NDUFB8: variants seen among roughly 807,000 people sequenced by gnomAD.
NDUFB8 encodes the protein NADH:ubiquinone oxidoreductase subunit B8.
NDUFB8 carries 17 observed loss-of-function variants against 26.0 expected under a neutral mutation model. That is an observed-to-expected ratio of 0.65 (90% confidence interval 0.45 to 0.98). The LOEUF is 0.98. NDUFB8 is among the 50% of genes least tolerant of loss of function. NDUFB8 has a pLI of 0.00. For synonymous variants in NDUFB8, 89 were observed against 93.1 expected, an observed-to-expected ratio of 0.96 and a Z score of 0.25; for missense variants, 238 against 255.0, an observed-to-expected ratio of 0.93 and a Z score of 0.45.
Position 100,524,583 on chromosome 10 carries a change from C to T in NDUFB8, c.469-654G>A, listed in dbSNP as rs766406901. 1.3e-5 allele frequency among the ~76,000 whole-genome samples: 2 copies of T among 152,212 alleles called. No individual in the cohort carries two copies. The highest frequency in any genetic ancestry group is 2.1e-4 in the South Asian group (1 of 4,838). On this transcript the variant is annotated intron_variant, in intron 4 of 4. Transcript: ENST00000299166. The surrounding 1 kb of genome is among the most constrained non-coding windows in gnomAD (Gnocchi z 4.0). The stretch of plus-strand genomic sequence containing the variant: ...GAAGTTAGTGCTCACCCTAGCCCTA[C>T]GTGCATTCTCCAGCATGGAGCCCCT...
intron 2 of NDUFB8, among the ~76,000 whole-genome samples, chr10:100,527,801 T>C (rs1046354701): frequency 6.6e-6 from 1 of 152,170 alleles, no homozygotes; most frequent in Non-Finnish European, 1.5e-5. Context: ...AGCTGCCCTA[T>C]ACATATGTAC....
At position 100,524,078 on chromosome 10, in the gene NDUFB8, C is replaced by T; in HGVS notation, c.469-149G>A. ...GGCTAGGAAGGCAGGAACAGCACTC[C>T]TCTTCCTCACTCAGCCCAAGGCAGA... On this transcript the variant is annotated intron_variant, in intron 4 of 4. Transcript: ENST00000299166. The surrounding 1 kb of genome is among the most constrained non-coding windows in gnomAD (Gnocchi z 4.0). 2 of 1,578,602 alleles carry T rather than the reference C, an allele frequency of 1.3e-6. No individual in the cohort carries two copies. The highest frequency in any genetic ancestry group is 2.3e-5 in the East Asian group (1 of 43,222).
intron 1 of NDUFB8, 85 bp downstream of exon 1, chr10:100,529,682 C>T (rs1852117168): frequency 6.4e-7 from 1 of 1,552,672 alleles, no homozygotes; most frequent in African/African-American, 1.4e-5. Flanking sequence ...GAGGCTGCCG[C>T]CGCGGCATCT....
rs1852119491 is a variant in NDUFB8 at position 100,529,774 on chromosome 10, T to C, written c.78A>G (p.Ala26=). 6.2e-6 allele frequency: 10 copies of C among 1,613,240 alleles called. No homozygotes were observed. The Admixed American group carries it at 8.3e-5, about 13-fold the overall frequency. ...RASRNVMPLG[A]RTASHMTKDM... ...TCGCCCGTTCTCGCGGACCTGTCCGTGCGCCCAGCGGCATCACGTTCCGGG... is the reference window on the plus strand; with the variant it reads ...TCGCCCGTTCTCGCGGACCTGTCCGCGCGCCCAGCGGCATCACGTTCCGGG... Residue 26 remains alanine (A), a synonymous_variant, in exon 1 of 5, where the codon GCA becomes GCG. Coordinates refer to ENST00000299166, the MANE Select transcript of NDUFB8 (RefSeq NM_005004.4).
intron 3 of NDUFB8, 87 bp from the exon 4 acceptor site, chr10:100,526,641 CTAGACAGAAGCAT>C: frequency 6.7e-7 from 1 of 1,500,604 alleles, no homozygotes; most frequent in Non-Finnish European, 9.1e-7. Context: ...TGATACAAGG[CTAGACAGAAGCAT>C]TCTACTGCCC....
At chr10:100,529,117 A>T (rs1162724582) in intron 2 of NDUFB8, 1 of 283,624 alleles carries the variant, frequency 3.5e-6, no homozygotes, top group Non-Finnish European at 6.6e-6. Context: ...GGCTCCTGCT[A>T]TTCGGGGGTC....
chr10:100,526,557 G>A lies in NDUFB8; in HGVS notation c.313-3C>T, dbSNP rs1294157363. The stretch of plus-strand genomic sequence containing the variant: ...TACATGTCTAGGTGCCAGTGCATCT[G>A]AGGCAGAAAGACAAATAGCTGTCAC... On this transcript the variant is annotated splice_region_variant and splice_polypyrimidine_tract_variant and intron_variant, in intron 3 of 4. Coordinates refer to ENST00000299166, the MANE Select transcript of NDUFB8 (RefSeq NM_005004.4). The A allele has an allele frequency of 6.2e-7, 1 of 1,613,204 alleles. No homozygotes were observed. The highest frequency in any genetic ancestry group is 8.5e-7 in the Non-Finnish European group (1 of 1,179,858).
intron 2 of NDUFB8, chr10:100,529,113 T>C (rs906802442): frequency 3.3e-6 from 1 of 301,914 alleles, no homozygotes; most frequent in Non-Finnish European, 6.1e-6. Context: ...GGAAGGCTCC[T>C]GCTATTCGGG....
At chr10:100,529,712 C>A (rs1299933663) in intron 1 of NDUFB8, 55 bp downstream of exon 1, 21 of 1,582,270 alleles carry the variant, frequency 1.3e-5, no homozygotes, top group Middle Eastern at 1.7e-4. Flanking sequence ...CCTCCCGATA[C>A]ACCAAATTTC....
In NDUFB8 at chr10:100,529,797, G is replaced by C. The variant is rs760778443; in HGVS notation, c.55C>G (p.Arg19Gly). 9 of 1,613,572 alleles carry C rather than the reference G, an allele frequency of 5.6e-6. No homozygotes were observed. The highest frequency in any genetic ancestry group is 7.6e-6 in the Non-Finnish European group (9 of 1,179,928). Reference sequence around the variant, plus strand: ...CGTGCGCCCAGCGGCATCACGTTCCGGGATGCCCTTTGCAGCCACTGGACT... The same window carrying C: ...CGTGCGCCCAGCGGCATCACGTTCCCGGATGCCCTTTGCAGCCACTGGACT... ...LGVQWLQRASRNVMPLGARTA... is the reference protein window; with the variant it reads ...LGVQWLQRASGNVMPLGARTA... Residue 19 changes from arginine to glycine, a missense_variant, in exon 1 of 5, where the codon CGG (arginine) becomes GGG (glycine). By Grantham distance (125) the Arg-to-Gly change is moderately radical. Coordinates refer to ENST00000299166, the MANE Select transcript of NDUFB8 (RefSeq NM_005004.4).
intron 4 of NDUFB8, among the ~76,000 whole-genome samples, chr10:100,525,838 TAC>T (rs903107594): frequency 3.9e-5 from 6 of 151,940 alleles, no homozygotes; most frequent in African/African-American, 1.5e-4. Flanking sequence ...TACACATATA[TAC>T]ACATAGATTG....
chr10:100,529,572 C>G, intron 1 of NDUFB8, 66 bp from the exon 2 acceptor site: 4 of 1,598,128 alleles, frequency 2.5e-6, no homozygotes, highest in Non-Finnish European at 3.4e-6. Flanking sequence ...GGCTTCAAGT[C>G]GCAGGGGCTG....
chr10:100,529,186 A>G, intron 2 of NDUFB8, 194 bp downstream of exon 2: 1 of 430,416 alleles, frequency 2.3e-6, no homozygotes, highest in Non-Finnish European at 4.0e-6. Context: ...TGAGCCAAGG[A>G]GAAAATTGAA....
Position 100,524,075 on chromosome 10 carries a change from C to G in NDUFB8, c.469-146G>C. Reference sequence around the variant, plus strand: ...CTGGGCTAGGAAGGCAGGAACAGCACTCCTCTTCCTCACTCAGCCCAAGGC... The same window carrying G: ...CTGGGCTAGGAAGGCAGGAACAGCAGTCCTCTTCCTCACTCAGCCCAAGGC... On this transcript the variant is annotated intron_variant, in intron 4 of 4. Transcript: ENST00000299166. The surrounding 1 kb of genome is among the most constrained non-coding windows in gnomAD (Gnocchi z 4.0). 6.3e-7 allele frequency: 1 copy of G among 1,579,164 alleles called. No homozygotes were observed. Among genetic ancestry groups the G allele is most frequent in the Non-Finnish European group, 8.6e-7 (1 of 1,162,162 alleles).
rs745713879 is a variant in NDUFB8, at chr10:100,526,569, C to T, written c.313-15G>A. On this transcript the variant is annotated splice_polypyrimidine_tract_variant and intron_variant, in intron 3 of 4. Coordinates refer to ENST00000299166, the MANE Select transcript of NDUFB8 (RefSeq NM_005004.4). ...TGCCAGTGCATCTGAGGCAGAAAGA[C>T]AAATAGCTGTCACATACTACTCTTC... The T allele has an allele frequency of 1.2e-6, 2 of 1,613,204 alleles. No individual in the cohort carries two copies. The highest frequency in any genetic ancestry group is 4.5e-5 in the East Asian group (2 of 44,868).
chr10:100,525,717 CGTGTGTGTGTGTGTGTGTGT>C (rs71013460), intron 4 of NDUFB8, among the ~76,000 whole-genome samples: 482 of 46,044 alleles, frequency 0.01, 26 homozygotes, highest in African/African-American at 0.013. Flanking sequence ...TAAGCACATA[CGTGTGTGTGTGTGTGTGTGT>C]GTGTGTGTGT....
chr10:100,527,803 C>T (rs1425723256), intron 2 of NDUFB8, among the ~76,000 whole-genome samples: 1 of 152,140 alleles, frequency 6.6e-6, no homozygotes, highest in Non-Finnish European at 1.5e-5. Flanking sequence ...CTGCCCTATA[C>T]ATATGTACCA....
In NDUFB8 at chr10:100,523,853, A is replaced by G. The variant is rs1387625007; in HGVS notation, c.545T>C (p.Val182Ala). 4 of 1,613,990 alleles carry G rather than the reference A, an allele frequency of 2.5e-6. No individual in the cohort carries two copies. The highest frequency in any genetic ancestry group is 3.4e-6 in the Non-Finnish European group (4 of 1,180,034). The change falls in exon 5 of 5, where the codon GTT (valine) becomes GCT (alanine). Residue 182 changes from valine to alanine, a missense_variant. Coordinates refer to ENST00000299166, the MANE Select transcript of NDUFB8 (RefSeq NM_005004.4). ...GDPSKEPERVVHYEI is the reference protein window; with the variant it reads ...GDPSKEPERVAHYEI ...GAAGCCTCCTCAGATCTCATAGTGA[A>G]CCACCCGCTCTGGTTCTTTGGAGGG...
chr10:100,524,941 C>T lies in NDUFB8; in HGVS notation c.469-1012G>A, dbSNP rs1318924696. 3.3e-5 allele frequency among the ~76,000 whole-genome samples: 5 copies of T among 152,234 alleles called. No homozygotes were observed. Among genetic ancestry groups the T allele is most frequent in the Admixed American group, 2.0e-4 (3 of 15,284 alleles). On this transcript the variant is annotated intron_variant, in intron 4 of 4. Transcript: ENST00000299166. This position sits in a 1 kb window ranked among gnomAD's most constrained non-coding sequence, Gnocchi z 4.0. Reference sequence around the variant, plus strand: ...TCCATAAATATTTGTTCAATTAATGCTTTATTACACCATCAAGTCCAAATC... The same window carrying T: ...TCCATAAATATTTGTTCAATTAATGTTTTATTACACCATCAAGTCCAAATC...
Sources: gnomAD v4.1 joint callset for allele counts (sites outside exome capture counted in the v4.1 genomes callset) on GRCh38, gnomAD v4.1.1 for gene constraint, Gnocchi (gnomAD v3.1) non-coding constraint, MANE v1.5 for transcripts, NCBI Gene and HGNC (gene_info 2026-07-23, HGNC 2026-07-21) for gene names.